AGAP2: variants seen among roughly 807,000 people sequenced by gnomAD.
The protein encoded by AGAP2 is ArfGAP with GTPase domain, ankyrin repeat and PH domain 2.
In AGAP2, 32 loss-of-function variants were observed where a neutral mutation model predicts 110.9. The observed-to-expected ratio is 0.29, with a 90% CI of 0.22 to 0.39. The LOEUF (loss-of-function observed/expected upper bound fraction) is 0.39. Ranked by LOEUF, AGAP2 falls within the 10% of genes least tolerant of loss-of-function variation. The probability of loss-of-function intolerance (pLI) is 1.00; values close to 1 mark genes in which losing one functional copy is unlikely to be tolerated. For missense variants in AGAP2, 1,285 were observed against 1,638.5 expected, an observed-to-expected ratio of 0.78 and a Z score of 3.72; for synonymous variants, 702 against 713.0, an observed-to-expected ratio of 0.98 and a Z score of 0.25.
At position 57,734,314 on chromosome 12, in the gene AGAP2, C is replaced by T; in HGVS notation, c.1401+5G>A. On this transcript the variant is annotated splice_donor_5th_base_variant and intron_variant, in intron 4 of 18. Coordinates refer to ENST00000547588, the MANE Select transcript of AGAP2 (RefSeq NM_001122772.3). ...CAGCCTGTCCCCCACCACCTCCACCCTCACCTTGGCATCAGGTGCCCCAGC... is the reference window on the plus strand; with the variant it reads ...CAGCCTGTCCCCCACCACCTCCACCTTCACCTTGGCATCAGGTGCCCCAGC... 6.2e-7 allele frequency: 1 copy of T among 1,614,194 alleles called. No individual in the cohort carries two copies. Among genetic ancestry groups the T allele is most frequent in the African/African-American group, 1.3e-5 (1 of 75,072 alleles).
At position 57,737,286 on chromosome 12, in the gene AGAP2, G is replaced by C. The variant is rs201194295; in HGVS notation, c.961C>G (p.Leu321Val). The C allele has an allele frequency of 3.7e-5, 59 of 1,613,476 alleles. No homozygotes were observed. The highest frequency in any genetic ancestry group is 3.9e-5 in the Non-Finnish European group (46 of 1,179,822). ...QPPGPAPPITLEPPAPGLKRG... is the reference protein window; with the variant it reads ...QPPGPAPPITVEPPAPGLKRG... ...TTCAGCCCCGGAGCTGGAGGCTCCA[G>C]AGTGATTGGAGGTGCAGGCCCGGGG... is the stretch of plus-strand genomic sequence containing the variant. The change falls in exon 1 of 19, where the codon CTG (leucine) becomes GTG (valine). Residue 321 changes from leucine (L) to valine (V), a missense_variant. Transcript: ENST00000547588. This position sits in a 1 kb window ranked among gnomAD's most constrained non-coding sequence, Gnocchi z 5.9.
rs1225263879 is a variant in AGAP2, at chr12:57,737,044, T to G, written c.1168+35A>C. The G allele has an allele frequency of 2.7e-6, 4 of 1,469,700 alleles. No individual in the cohort carries two copies. In the Middle Eastern group the frequency reaches 7.2e-4, roughly 263 times the overall value. The allele number at this position is 1,469,700 out of a possible 1,614,324, so 91.0% of individuals were successfully genotyped here. A position where few individuals can be genotyped will look rare whatever the true frequency, so the allele number is the denominator to read the frequency against. On this transcript the variant is annotated intron_variant, in intron 1 of 18. Coordinates refer to ENST00000547588, the MANE Select transcript of AGAP2 (RefSeq NM_001122772.3). The surrounding 1 kb of genome is among the most constrained non-coding windows in gnomAD (Gnocchi z 5.9). ...CCCAAGCTGAGCATTCCAGGTACCC[T>G]TCCCTCCCTGTTCTCAAGCCCTGAC...
downstream of AGAP2, chr12:57,724,337 GC>G (rs1278000501): frequency 6.6e-6 from 1 of 152,406 alleles, no homozygotes; most frequent in East Asian, 1.9e-4. Flanking sequence ...ATATGGCTGT[GC>G]CCAACCTGCA....
intron 16 of AGAP2, 47 bp downstream of exon 16, chr12:57,727,634 G>A (rs1435191431): frequency 1.9e-6 from 3 of 1,589,884 alleles, no homozygotes; most frequent in Non-Finnish European, 2.6e-6. Flanking sequence ...CAGGCACCCC[G>A]GCATTCACTA....
intron 13 of AGAP2, 120 bp downstream of exon 13, chr12:57,729,519 G>A: frequency 7.1e-7 from 1 of 1,400,340 alleles, no homozygotes; most frequent in South Asian, 1.4e-5. Flanking sequence ...GTGTGCAGTG[G>A]TAATGGTAGT....
At chr12:57,732,779 A>C in intron 6 of AGAP2, 66 bp downstream of exon 6, 1 of 1,599,414 alleles carries the variant, frequency 6.3e-7, no homozygotes, top group Non-Finnish European at 8.5e-7. Flanking sequence ...TGGATGCCTG[A>C]CCACTGAGAA....
upstream of AGAP2, chr12:57,741,836 T>TA: frequency 6.6e-7 from 1 of 1,518,264 alleles, no homozygotes; most frequent in Non-Finnish European, 9.0e-7. Flanking sequence ...TGGGAATTGA[T>TA]ATATGATACA....
chr12:57,729,964 T>G (rs1954853132), intron 12 of AGAP2, among the ~76,000 whole-genome samples, 197 bp from the exon 13 acceptor site: 1 of 152,206 alleles, frequency 6.6e-6, no homozygotes, highest in African/African-American at 2.4e-5. Context: ...TGCACTCAGA[T>G]CCTGGTTCTG....
intron 14 of AGAP2, 71 bp downstream of exon 14, chr12:57,728,247 A>G: frequency 6.4e-7 from 1 of 1,567,530 alleles, no homozygotes; most frequent in Non-Finnish European, 8.7e-7. Context: ...GAGCACATGC[A>G]GGGGAAGGCG....
At chr12:57,730,703 G>A (rs562159284) in intron 11 of AGAP2, 88 bp downstream of exon 11, 16 of 1,606,210 alleles carry the variant, frequency 1.0e-5, no homozygotes, top group Middle Eastern at 1.9e-4. Context: ...CTTCCTACTC[G>A]CCCAGTGCCA....
In AGAP2 at chr12:57,731,791, C is replaced by A; in HGVS notation, c.1953+18G>T. 1 of 1,555,016 alleles carries A rather than the reference C, an allele frequency of 6.4e-7. No homozygotes were observed. Among genetic ancestry groups the A allele is most frequent in the South Asian group, 1.2e-5 (1 of 82,104 alleles). On this transcript the variant is annotated intron_variant, in intron 8 of 18. Transcript: ENST00000547588. ...TGGGGGACAGGAGGATGGGGGTCAG[C>A]ATGTCCATGTCCAATACCGCAAAAA...
chr12:57,737,523 C>T lies in AGAP2; in HGVS notation c.724G>A (p.Ala242Thr). The change falls in exon 1 of 19, where the codon GCC (alanine) becomes ACC (threonine). Residue 242 changes from alanine (A) to threonine (T), a missense_variant. Ala to Thr is a moderately conservative substitution (Grantham distance 58). This residue lies in a region of AGAP2 where 844 missense variants were observed against 941.2 expected (regional missense o/e 0.90). Coordinates refer to ENST00000547588, the MANE Select transcript of AGAP2 (RefSeq NM_001122772.3). The surrounding 1 kb of genome is among the most constrained non-coding windows in gnomAD (Gnocchi z 5.9). ...GCTGTAGAGCCCCCTCCCCCGGCGG[C>T]GGCGGCGGTGGCGGCGGCAGAGACC... ...ASVSAAATAA[A>T]AGGGGSTAST... 1 of 1,573,120 alleles carries T rather than the reference C, an allele frequency of 6.4e-7. No homozygotes were observed. Among genetic ancestry groups the T allele is most frequent in the South Asian group, 1.1e-5 (1 of 87,002 alleles).
At chr12:57,730,677 C>T in intron 11 of AGAP2, 63 bp from the exon 12 acceptor site, 5 of 1,604,776 alleles carry the variant, frequency 3.1e-6, no homozygotes, top group African/African-American at 1.3e-5. Flanking sequence ...TTATGTGGTC[C>T]CTCTTTATCA....
Position 57,726,449 on chromosome 12 carries a change from G to C in AGAP2, c.*103C>G. 1 of 1,086,164 alleles carries C rather than the reference G, an allele frequency of 9.2e-7. No homozygotes were observed. The highest frequency in any genetic ancestry group is 1.1e-6 in the Non-Finnish European group (1 of 883,968). 67.3% of individuals were successfully genotyped at this position (1,086,164 alleles called of 1,614,324 possible). On this transcript the variant is annotated 3_prime_UTR_variant, in exon 19 of 19. Transcript: ENST00000547588. This position sits in a 1 kb window ranked among gnomAD's most constrained non-coding sequence, Gnocchi z 5.7. ...GGGTAGGAAGTGCTCCCGTGGGGCG[G>C]GGTGCGGATCGGAGAGGTGAGTGGG...
In AGAP2 at chr12:57,737,506, G is replaced by C. The variant is rs770494095; in HGVS notation, c.741C>G (p.Gly247=). ...CCCCACCAGAGGTCGAAGCTGTAGA[G>C]CCCCCTCCCCCGGCGGCGGCGGCGG... ...AATAAAAGGG[G]STASTSGGVG... The change falls in exon 1 of 19, where the codon GGC becomes GGG. Residue 247 remains glycine (G), a synonymous_variant. Coordinates refer to ENST00000547588, the MANE Select transcript of AGAP2 (RefSeq NM_001122772.3). This position sits in a 1 kb window ranked among gnomAD's most constrained non-coding sequence, Gnocchi z 5.9. 6.3e-7 allele frequency: 1 copy of C among 1,595,650 alleles called. No homozygotes were observed. The highest frequency in any genetic ancestry group is 8.5e-7 in the Non-Finnish European group (1 of 1,171,192).
chr12:57,737,987 C>T lies in AGAP2; in HGVS notation c.260G>A (p.Gly87Asp). Residue 87 changes from glycine to aspartate, a missense_variant, in exon 1 of 19, where the codon GGC becomes GAC. By Grantham distance (94) the Gly-to-Asp change is moderately conservative. Coordinates refer to ENST00000547588, the MANE Select transcript of AGAP2 (RefSeq NM_001122772.3). The surrounding 1 kb of genome is among the most constrained non-coding windows in gnomAD (Gnocchi z 5.9). The stretch of plus-strand genomic sequence containing the variant: ...CGGGGACAGGGCTGGGGGCTCCGCG[C>T]CCCCGGTGCCCGCGCTGCTCGTGCT... ...WISTSSAGTG[G>D]AEPPALSPAP... 2.1e-6 allele frequency: 3 copies of T among 1,449,000 alleles called. No individual in the cohort carries two copies. The highest frequency in any genetic ancestry group is 2.7e-6 in the Non-Finnish European group (3 of 1,107,722). The allele number at this position is 1,449,000 out of a possible 1,614,324, so 89.8% of individuals were successfully genotyped here. A position where few individuals can be genotyped will look rare whatever the true frequency, so the allele number is the denominator to read the frequency against.
Position 57,726,753 on chromosome 12 carries a change from C to T in AGAP2, c.3378G>A (p.Thr1126=). The change falls in exon 19 of 19, where the codon ACG becomes ACA. Residue 1126 remains threonine, a synonymous_variant. Transcript: ENST00000547588. This position sits in a 1 kb window ranked among gnomAD's most constrained non-coding sequence, Gnocchi z 5.7. ...DVAARDAQGR[T]ALFYARQAGS... is the part of the protein sequence containing the mutation. ...CAGCCTGGCGGGCGTAGAACAGCGC[C>T]GTGCGGCCCTGGGCGTCACGGGCCG... is the stretch of plus-strand genomic sequence containing the variant. 1 of 1,327,948 alleles carries T rather than the reference C, an allele frequency of 7.5e-7. No homozygotes were observed. 82.3% of individuals were successfully genotyped at this position (1,327,948 alleles called of 1,614,324 possible). A position where few individuals can be genotyped will look rare whatever the true frequency, so the allele number is the denominator to read the frequency against.
At position 57,727,672 on chromosome 12, in the gene AGAP2, G is replaced by A; in HGVS notation, c.2857+9C>T. On this transcript the variant is annotated intron_variant, in intron 16 of 18. Transcript: ENST00000547588. ...CTCCCTAGCCCCTCCGCTGCCTCCT[G>A]GCACTCACTGGGGGCCCCGCAGTCC... The A allele has an allele frequency of 6.2e-7, 1 of 1,603,104 alleles. No homozygotes were observed.
intron 7 of AGAP2, 59 bp from the exon 8 acceptor site, chr12:57,732,026 C>T: frequency 1.9e-6 from 3 of 1,563,668 alleles, no homozygotes; most frequent in Non-Finnish European, 2.6e-6. Context: ...CCAAGCTACA[C>T]TCATATCTCG....
Sources: allele counts gnomAD v4.1 joint callset (sites outside exome capture counted in the v4.1 genomes callset), GRCh38; gene constraint gnomAD v4.1.1; regional missense constraint gnomAD v4.1.1; non-coding constraint Gnocchi (gnomAD v3.1); transcripts MANE v1.5; gene names NCBI Gene and HGNC (gene_info 2026-07-23, HGNC 2026-07-21).